PDXDC1: variants seen among roughly 807,000 people sequenced by gnomAD.
The protein encoded by PDXDC1 is pyridoxal dependent decarboxylase domain containing 1.
PDXDC1 carries 42 observed loss-of-function variants against 100.1 expected under a neutral mutation model. The observed-to-expected ratio is 0.42, with a 90% confidence interval of 0.33 to 0.54. The LOEUF (loss-of-function observed/expected upper bound fraction) is 0.54. PDXDC1 is among the 20% of genes least tolerant of loss of function. PDXDC1 has a pLI of 0.10. For synonymous variants in PDXDC1, 260 were observed against 371.7 expected, an observed-to-expected ratio of 0.70 and a Z score of 3.46; for missense variants, 636 against 979.2, an observed-to-expected ratio of 0.65 and a Z score of 4.68.
intron 14 of PDXDC1, among the ~76,000 whole-genome samples, chr16:15,027,758 A>G (rs887350337): frequency 1.3e-5 from 2 of 152,250 alleles, no homozygotes; most frequent in East Asian, 1.9e-4. Context: ...TTTTCCACCA[A>G]TGTGTTCCTC....
intron 16 of PDXDC1, among the ~76,000 whole-genome samples, chr16:15,078,376 C>A (rs2045554054): frequency 6.6e-6 from 1 of 152,102 alleles, no homozygotes; most frequent in Admixed American, 6.6e-5. Context: ...CCCCTCCTTC[C>A]ACCACAACCC....
chr16:15,047,947 T>G (rs1348955931), intron 16 of PDXDC1: 1 of 1,607,880 alleles, frequency 6.2e-7, no homozygotes, highest in African/African-American at 1.3e-5. Context: ...TAAAATAAAA[T>G]ATCCAATAGC....
At chr16:15,069,512 T>C (rs547478795) in intron 16 of PDXDC1, among the ~76,000 whole-genome samples, 2 of 152,336 alleles carry the variant, frequency 1.3e-5, no homozygotes, top group Admixed American at 6.5e-5. Flanking sequence ...AAGTAACTCT[T>C]AGAAATTAGC....
At chr16:14,975,709 A>G (rs1358195848) in intron 1 of PDXDC1, 2 of 978,986 alleles carry the variant, frequency 2.0e-6, no homozygotes, top group Non-Finnish European at 2.4e-6. Context: ...CTGAGTGGGA[A>G]TCACCTGGGG....
At chr16:15,122,274 C>T (rs2047460563) in intron 16 of PDXDC1, among the ~76,000 whole-genome samples, 1 of 149,560 alleles carries the variant, frequency 6.7e-6, no homozygotes, top group Admixed American at 6.7e-5. Flanking sequence ...GCAGCGGGGC[C>T]ATCTCGGCTC....
chr16:15,135,962 G>A (rs771713652), intron 16 of PDXDC1: 161 of 1,575,566 alleles, frequency 1.0e-4, no homozygotes, highest in East Asian at 4.3e-4. Flanking sequence ...CACACGCGCC[G>A]GGCACCCCGG....
chr16:14,977,216 C>T (rs370081701), intron 1 of PDXDC1, among the ~76,000 whole-genome samples: 3 of 150,674 alleles, frequency 2.0e-5, no homozygotes, highest in African/African-American at 7.3e-5. Flanking sequence ...AGGTTTCTGC[C>T]TTAGGTCAAT....
At chr16:15,133,672 C>T (rs1170828540) in intron 16 of PDXDC1, 87 of 1,580,532 alleles carry the variant, frequency 5.5e-5, no homozygotes, top group South Asian at 1.6e-4. Flanking sequence ...CGTACACCAG[C>T]GGGGCGCCAG....
chr16:15,029,459 G>C (rs1436956169), intron 15 of PDXDC1: 9 of 357,168 alleles, frequency 2.5e-5, no homozygotes, highest in African/African-American at 1.2e-4. Context: ...AGCCTAGCAG[G>C]GTTGGCAGAT....
chr16:15,026,433 C>G, intron 13 of PDXDC1: 1 of 574,952 alleles, frequency 1.7e-6, no homozygotes, highest in Non-Finnish European at 3.1e-6. Context: ...TTATAATTCA[C>G]AGTGTACTCT....
In PDXDC1 at chr16:15,031,878, C is replaced by A. The variant is rs576399135; in HGVS notation, c.1543C>A (p.Pro515Thr). 6.2e-7 allele frequency: 1 copy of A among 1,612,844 alleles called. No individual in the cohort carries two copies. Among genetic ancestry groups the A allele is most frequent in the Admixed American group, 1.7e-5 (1 of 59,748 alleles). Reference sequence around the variant, plus strand: ...AGCAGGTCTCCTATATGTTGATGACCCTAACTGGTCTGGAATAGGGGTTGT... The same window carrying A: ...AGCAGGTCTCCTATATGTTGATGACACTAACTGGTCTGGAATAGGGGTTGT... ...ATAGLLYVDDPNWSGIGVVRY... is the reference protein window; with the variant it reads ...ATAGLLYVDDTNWSGIGVVRY... Residue 515 changes from proline to threonine, a missense_variant, in exon 17 of 23, where the codon CCT becomes ACT. Coordinates refer to ENST00000396410, the MANE Select transcript of PDXDC1 (RefSeq NM_015027.4).
chr16:15,135,974 T>G, intron 16 of PDXDC1: 1 of 1,569,692 alleles, frequency 6.4e-7, no homozygotes, highest in South Asian at 1.1e-5. Context: ...GCACCCCGGC[T>G]GGTGGGCCCG....
intron 16 of PDXDC1, chr16:15,044,712 A>G (rs926818512): frequency 3.4e-5 from 14 of 411,002 alleles, no homozygotes; most frequent in African/African-American, 2.8e-4. Context: ...GGACAGGTGC[A>G]GTGGCTCACA....
intron 16 of PDXDC1, chr16:15,056,055 C>T (rs2044507128): frequency 1.9e-6 from 1 of 527,682 alleles, no homozygotes; most frequent in Non-Finnish European, 2.5e-6. Context: ...CCCCGCCCCT[C>T]GGGCCGCGCG....
chr16:15,078,963 C>A (rs2045579847), intron 16 of PDXDC1, among the ~76,000 whole-genome samples: 1 of 152,032 alleles, frequency 6.6e-6, no homozygotes, highest in Non-Finnish European at 1.5e-5. Context: ...AGGTGCCCAC[C>A]ACCATACCCG....
chr16:15,007,345 G>C (rs1349496213), intron 6 of PDXDC1, among the ~76,000 whole-genome samples: 3 of 152,124 alleles, frequency 2.0e-5, no homozygotes, highest in Non-Finnish European at 4.4e-5. Context: ...TAATTTTTTT[G>C]TATTTTTTTT....
chr16:15,021,179 C>G (rs1175993174), intron 12 of PDXDC1, among the ~76,000 whole-genome samples: 1 of 152,262 alleles, frequency 6.6e-6, no homozygotes, highest in Non-Finnish European at 1.5e-5. Context: ...GAGTTCAACA[C>G]CAGCCTGGGC....
intron 16 of PDXDC1, among the ~76,000 whole-genome samples, chr16:15,122,922 G>T (rs1260165483): frequency 6.7e-6 from 1 of 149,626 alleles, no homozygotes; most frequent in Non-Finnish European, 1.5e-5. Flanking sequence ...GGAGGAGGAG[G>T]AGGAGAAGAA....
intron 3 of PDXDC1, 120 bp downstream of exon 3, chr16:14,998,525 A>C: frequency 9.6e-7 from 1 of 1,047,112 alleles, no homozygotes; most frequent in Non-Finnish European, 1.4e-6. Context: ...GCTCGCTGCA[A>C]CCTCCGCCTC....
Sources: gnomAD v4.1 joint callset for allele counts (sites outside exome capture counted in the v4.1 genomes callset) on GRCh38, gnomAD v4.1.1 for gene constraint, MANE v1.5 for transcripts, NCBI Gene and HGNC (gene_info 2026-07-23, HGNC 2026-07-21) for gene names.